Variants in AJAP1 observed in about 807,000 individuals in gnomAD.
The protein encoded by AJAP1 is adherens junctions associated protein 1.
AJAP1 carries 5 observed loss-of-function variants against 35.0 expected under a neutral mutation model. The observed-to-expected ratio is 0.14, with a 90% CI of 0.07 to 0.30. The LOEUF (loss-of-function observed/expected upper bound fraction) is 0.30, where lower values mean the gene tolerates loss of function less well. AJAP1 is among the 10% of genes least tolerant of loss of function. AJAP1 has a pLI of 1.00. For missense variants in AJAP1, 586 were observed against 571.0 expected, an observed-to-expected ratio of 1.03 and a Z score of -0.27; for synonymous variants, 284 against 249.3, an observed-to-expected ratio of 1.14 and a Z score of -1.31.
At chr1:4,717,174 C>T (rs906679320) in intron 2 of AJAP1, among the ~76,000 whole-genome samples, 1 of 152,196 alleles carries the variant, frequency 6.6e-6, no homozygotes, top group Non-Finnish European at 1.5e-5. Flanking sequence ...TATCTTAAAA[C>T]GTGTAAAGGA....
At chr1:4,743,200 A>C (rs1402900895) in intron 2 of AJAP1, among the ~76,000 whole-genome samples, 1 of 152,172 alleles carries the variant, frequency 6.6e-6, no homozygotes, top group Non-Finnish European at 1.5e-5. Flanking sequence ...GGGGCCCCAC[A>C]GAGTGATTTT....
intron 2 of AJAP1, among the ~76,000 whole-genome samples, chr1:4,769,552 A>G (rs1641784629): frequency 6.6e-6 from 1 of 152,192 alleles, no homozygotes; most frequent in Admixed American, 6.5e-5. Context: ...GGTGCAAGAA[A>G]GAACACAGCC....
chr1:4,780,059 G>A (rs1209373673), intron 5 of AJAP1, among the ~76,000 whole-genome samples: 2 of 144,652 alleles, frequency 1.4e-5, no homozygotes, highest in East Asian at 2.1e-4. Context: ...CAGGAGAATC[G>A]CTTGAACCCA....
At chr1:4,701,147 C>G (rs2100244887) in intron 1 of AJAP1, among the ~76,000 whole-genome samples, 1 of 152,322 alleles carries the variant, frequency 6.6e-6, no homozygotes, top group African/African-American at 2.4e-5. Context: ...TCCCCCGTGC[C>G]CCAAAGTTGC....
chr1:4,705,093 C>T (rs1231183354), intron 1 of AJAP1, among the ~76,000 whole-genome samples: 5 of 152,054 alleles, frequency 3.3e-5, no homozygotes, highest in South Asian at 2.1e-4. Context: ...AAAATTTTCT[C>T]CCATTTTGTA....
intron 1 of AJAP1, among the ~76,000 whole-genome samples, chr1:4,695,492 G>T (rs1302191678): frequency 6.6e-6 from 1 of 152,210 alleles, no homozygotes; most frequent in African/African-American, 2.4e-5. Context: ...TGAGGCTCCA[G>T]GGGAGAGTGG....
At chr1:4,772,990 G>T (rs1367891807) in intron 4 of AJAP1, among the ~76,000 whole-genome samples, 1 of 152,142 alleles carries the variant, frequency 6.6e-6, no homozygotes, top group Non-Finnish European at 1.5e-5. Flanking sequence ...CAGACCGGAA[G>T]TACGTTACTA....
chr1:4,672,615 C>T (rs1639273027), intron 1 of AJAP1, among the ~76,000 whole-genome samples: 1 of 152,190 alleles, frequency 6.6e-6, no homozygotes, highest in Non-Finnish European at 1.5e-5. Flanking sequence ...TGCAAAGTCA[C>T]TTCCAGGGAA....
intron 2 of AJAP1, among the ~76,000 whole-genome samples, chr1:4,731,229 C>T (rs144700759): frequency 0.022 from 3,294 of 152,192 alleles, 47 homozygotes; most frequent in Middle Eastern, 0.045. Context: ...TACAGGCATG[C>T]ACCACCATGC....
intron 1 of AJAP1, among the ~76,000 whole-genome samples, chr1:4,702,612 G>A (rs560189720): frequency 1.1e-4 from 16 of 152,308 alleles, no homozygotes; most frequent in East Asian, 3.9e-4. Flanking sequence ...GGTCCCTTCC[G>A]TCTGGGGCGT....
At chr1:4,779,723 C>T (rs1298015414) in intron 5 of AJAP1, among the ~76,000 whole-genome samples, 1 of 152,182 alleles carries the variant, frequency 6.6e-6, no homozygotes, top group African/African-American at 2.4e-5. Flanking sequence ...CAGCAGCTTA[C>T]AACCGGTGAC....
intron 1 of AJAP1, among the ~76,000 whole-genome samples, chr1:4,696,540 C>G (rs1009162240): frequency 1.3e-5 from 2 of 152,204 alleles, no homozygotes; most frequent in South Asian, 4.1e-4. Flanking sequence ...TGCCGGGCTG[C>G]ATCTGCTCTA....
intron 2 of AJAP1, 135 bp from the exon 3 acceptor site, chr1:4,769,718 C>T (rs954937690): frequency 5.0e-5 from 38 of 756,278 alleles, no homozygotes; most frequent in African/African-American, 8.5e-5. Context: ...TGTCATGCTG[C>T]CCCGAGTTCC....
chr1:4,690,753 C>T (rs985093192), intron 1 of AJAP1, among the ~76,000 whole-genome samples: 1 of 152,194 alleles, frequency 6.6e-6, no homozygotes, highest in Non-Finnish European at 1.5e-5. Context: ...AGAGAACTTC[C>T]CTGAGTTCTC....
chr1:4,715,161 C>T (rs1398568473), intron 2 of AJAP1, among the ~76,000 whole-genome samples: 1 of 152,210 alleles, frequency 6.6e-6, no homozygotes, highest in Non-Finnish European at 1.5e-5. Flanking sequence ...GCGCCCCCAA[C>T]ATTTGGTGGA....
chr1:4,673,585 T>C (rs542449494), intron 1 of AJAP1, among the ~76,000 whole-genome samples: 2 of 152,236 alleles, frequency 1.3e-5, no homozygotes, highest in African/African-American at 4.8e-5. Context: ...CACTGACTCA[T>C]TCCTTCCTGC....
chr1:4,683,367 C>G (rs1053761859), intron 1 of AJAP1, among the ~76,000 whole-genome samples: 1 of 152,184 alleles, frequency 6.6e-6, no homozygotes, highest in African/African-American at 2.4e-5. Context: ...GCTTCCTTGG[C>G]CCGCCCTCAC....
At chr1:4,667,216 C>T (rs1639149837) in intron 1 of AJAP1, among the ~76,000 whole-genome samples, 1 of 152,114 alleles carries the variant, frequency 6.6e-6, no homozygotes, top group African/African-American at 2.4e-5. Context: ...GCCATGATTC[C>T]CAGGCTCTGC....
At chr1:4,682,354 C>G (rs1361200221) in intron 1 of AJAP1, among the ~76,000 whole-genome samples, 1 of 152,216 alleles carries the variant, frequency 6.6e-6, no homozygotes, top group African/African-American at 2.4e-5. Flanking sequence ...GGCCACCTTC[C>G]CCTATGCATC....
Sources: allele counts gnomAD v4.1 joint callset (sites outside exome capture counted in the v4.1 genomes callset), GRCh38; gene constraint gnomAD v4.1.1; transcripts MANE v1.5; gene names NCBI Gene and HGNC (gene_info 2026-07-23, HGNC 2026-07-21).